The following LAMA2 variants were observed in gnomAD, a reference collection of about 807,000 sequenced individuals.
The protein encoded by LAMA2 is laminin subunit alpha-2.
Under a neutral mutation model 364.8 loss-of-function variants are expected in LAMA2, and 269 were observed. The ratio of observed to expected loss-of-function variants is 0.74; its 90% CI spans 0.67 to 0.82. LAMA2 has a LOEUF of 0.82. Ranked by LOEUF, LAMA2 falls within the 40% of genes least tolerant of loss-of-function variation. The pLI, the probability that LAMA2 is intolerant of heterozygous loss-of-function variation, is 0.00. For missense variants in LAMA2, 3,807 were observed against 3,873.2 expected (o/e 0.98, Z 0.45); for synonymous variants, 1,379 against 1,370.6 (o/e 1.01, Z -0.14).
intron 1 of LAMA2, among the ~76,000 whole-genome samples, chr6:128,892,211 T>C (rs1776494869): frequency 6.6e-6 from 1 of 152,048 alleles, no homozygotes; most frequent in African/African-American, 2.4e-5. Context: ...GCAAACTATT[T>C]ATCTCATTGC....
chr6:129,137,187 A>T (rs986788839), intron 4 of LAMA2, among the ~76,000 whole-genome samples: 33 of 151,894 alleles, frequency 2.2e-4, no homozygotes, highest in African/African-American at 7.5e-4. Context: ...CTTTCAAGCC[A>T]CTCAGTAGTC....
chr6:129,179,469 G>A (rs1276559382), intron 10 of LAMA2, among the ~76,000 whole-genome samples: 2 of 152,086 alleles, frequency 1.3e-5, no homozygotes, highest in African/African-American at 4.8e-5. Context: ...GGTAAATATA[G>A]CGAGAAAGGC....
intron 32 of LAMA2, among the ~76,000 whole-genome samples, chr6:129,357,250 A>G (rs1190132416): frequency 6.6e-6 from 1 of 152,072 alleles, no homozygotes; most frequent in Non-Finnish European, 1.5e-5. Flanking sequence ...TATTTTCTGT[A>G]AACTCATATC....
intron 12 of LAMA2, among the ~76,000 whole-genome samples, chr6:129,195,817 A>C (rs960819179): frequency 6.6e-6 from 1 of 152,214 alleles, no homozygotes; most frequent in Non-Finnish European, 1.5e-5. Context: ...GGCTACAGCT[A>C]TTCAGAAACA....
intron 1 of LAMA2, among the ~76,000 whole-genome samples, chr6:128,920,180 C>A (rs150309694): frequency 6.8e-6 from 1 of 147,574 alleles, no homozygotes; most frequent in Non-Finnish European, 1.5e-5. Flanking sequence ...TTTTTTTTGA[C>A]GGAGTCCTGC....
At chr6:129,328,177 TG>T in intron 28 of LAMA2, 100 bp from the exon 29 acceptor site, 3 of 995,768 alleles carry the variant, frequency 3.0e-6, no homozygotes, top group East Asian at 2.4e-5. Context: ...CTGCCGCAGG[TG>T]GGGGAAGGCC....
intron 1 of LAMA2, among the ~76,000 whole-genome samples, chr6:129,017,824 C>T (rs889150647): frequency 2.6e-5 from 4 of 151,802 alleles, no homozygotes; most frequent in Admixed American, 6.6e-5. Context: ...AAGTAGAACA[C>T]GGTCTTTTGA....
chr6:129,208,650 G>A (rs1782863245), intron 12 of LAMA2, among the ~76,000 whole-genome samples: 1 of 142,030 alleles, frequency 7.0e-6, no homozygotes, highest in South Asian at 2.4e-4. Context: ...AAGAAGGAAG[G>A]AAGAGAGGGA....
At chr6:129,109,394 C>T (rs1456093186) in intron 4 of LAMA2, among the ~76,000 whole-genome samples, 4 of 152,024 alleles carry the variant, frequency 2.6e-5, no homozygotes, top group Non-Finnish European at 5.9e-5. Context: ...GAATCTTTTT[C>T]GTGTCCATTT....
rs200567333 is a variant in LAMA2 at position 129,397,782 on chromosome 6, TA to T, written c.5446-3434del. ...TGAAAATTAAAAAAAAATACAAAAA[TA>T]AAAAAAATTAGCCAGGCGTGGTGGC... is the stretch of plus-strand genomic sequence containing the variant. On this transcript the variant is annotated intron_variant, in intron 37 of 64. Transcript: ENST00000421865. Among the ~76,000 whole-genome samples, 867 of 150,336 alleles carry T rather than the reference TA, an allele frequency of 5.8e-3. 9 individuals are homozygous for T. The highest frequency in any genetic ancestry group is 0.02 in the African/African-American group (800 of 40,848).
chr6:129,314,798 G>C lies in LAMA2; in HGVS notation c.3555G>C (p.Trp1185Cys), dbSNP rs774019483. Residue 1185 changes from tryptophan to cysteine, a missense_variant and splice_region_variant, in exon 24 of 65, where the codon TGG becomes TGC. Physicochemically the swap from Trp to Cys is radical, Grantham distance 215. Transcript: ENST00000421865. ...AAGCAAAAGGACTGATCCGGACGTG[G>C]GTGAGTAGGGAACTGCTGAGCCATG... ...CSEAKGLIRT[W>C]VTLKAEQTIL... The C allele has an allele frequency of 6.2e-7, 1 of 1,613,960 alleles. No homozygotes were observed. The highest frequency in any genetic ancestry group is 8.5e-7 in the Non-Finnish European group (1 of 1,179,952).
At chr6:129,106,026 T>G (rs1392939454) in intron 4 of LAMA2, among the ~76,000 whole-genome samples, 2 of 152,148 alleles carry the variant, frequency 1.3e-5, no homozygotes, top group African/African-American at 2.4e-5. Flanking sequence ...CCTTTCCTTC[T>G]TACCACCACC....
chr6:129,096,960 T>C (rs1010442790), intron 3 of LAMA2, among the ~76,000 whole-genome samples: 5 of 152,212 alleles, frequency 3.3e-5, no homozygotes, highest in African/African-American at 1.2e-4. Flanking sequence ...TATACACGTA[T>C]GCATGAGTTA....
intron 1 of LAMA2, among the ~76,000 whole-genome samples, chr6:128,908,299 G>T (rs1179411553): frequency 6.6e-6 from 1 of 152,084 alleles, no homozygotes; most frequent in Non-Finnish European, 1.5e-5. Context: ...ATTGATTATT[G>T]TCACAATTTC....
At chr6:129,219,117 C>G (rs1783619210) in intron 12 of LAMA2, among the ~76,000 whole-genome samples, 1 of 152,068 alleles carries the variant, frequency 6.6e-6, no homozygotes, top group African/African-American at 2.4e-5. Flanking sequence ...TCTCCAAGAA[C>G]CCAGGAAGTA....
Position 129,316,100 on chromosome 6 carries a change from C to A in LAMA2, c.3987C>A (p.Phe1329Leu), listed in dbSNP as rs773464447. ...ATAGAACTGTGACCCGAGAAGACTT[C>A]TTGGATATACTATATGATATTCATT... ...RVHRTVTREDFLDILYDIHYI... is the reference protein window; with the variant it reads ...RVHRTVTREDLLDILYDIHYI... The change falls in exon 27 of 65, where the codon TTC becomes TTA. Residue 1329 changes from phenylalanine to leucine, a missense_variant. Phe to Leu is a conservative substitution (Grantham distance 22). Coordinates refer to ENST00000421865, the MANE Select transcript of LAMA2 (RefSeq NM_000426.4). 1.9e-6 allele frequency: 3 copies of A among 1,609,270 alleles called. No homozygotes were observed. Among genetic ancestry groups the A allele is most frequent in the South Asian group, 2.2e-5 (2 of 90,960 alleles).
intron 4 of LAMA2, among the ~76,000 whole-genome samples, chr6:129,099,786 C>T (rs1036184860): frequency 1.3e-5 from 2 of 151,976 alleles, no homozygotes; most frequent in African/African-American, 2.4e-5. Flanking sequence ...TCAAAAATAC[C>T]AGTTTTGGGG....
intron 1 of LAMA2, among the ~76,000 whole-genome samples, chr6:128,982,960 G>T (rs1430089597): frequency 1.3e-5 from 2 of 150,562 alleles, no homozygotes; most frequent in Admixed American, 1.3e-4. Context: ...TTTTATGGCT[G>T]CATAGTATTC....
In LAMA2 at chr6:128,932,051, A is replaced by C. The variant is rs1045952987; in HGVS notation, c.112+48694A>C. Among the ~76,000 whole-genome samples the C allele has an allele frequency of 2.0e-5, 3 of 152,022 alleles. No homozygotes were observed. The East Asian group carries it at 5.8e-4, about 29-fold the overall frequency. On this transcript the variant is annotated intron_variant, in intron 1 of 64. Transcript: ENST00000421865. ...AGCCTTGAATAATAAAAGGAAAAAA[A>C]CCTCTCACAACTTTTTATTCTACAA...
Sources: allele counts gnomAD v4.1 joint callset (sites outside exome capture counted in the v4.1 genomes callset), GRCh38; gene constraint gnomAD v4.1.1; transcripts MANE v1.5; gene names NCBI Gene and HGNC (gene_info 2026-07-23, HGNC 2026-07-21).